GSE1: variants seen among roughly 807,000 people sequenced by gnomAD.
The protein encoded by GSE1 is Gse1 coiled-coil protein.
A neutral mutation model predicts 112.6 loss-of-function variants in GSE1; 32 were observed. The observed-to-expected ratio is 0.28, with a 90% CI of 0.21 to 0.38. The LOEUF is 0.38. Among genes scored for constraint, GSE1 ranks in the 10% least tolerant of loss-of-function variants. The pLI, the probability that GSE1 is intolerant of heterozygous loss-of-function variation, is 1.00. For synonymous variants in GSE1, 1,115 were observed against 735.6 expected (o/e 1.52, Z -8.35); for missense variants, 2,348 against 1,699.2 (o/e 1.38, Z -6.71).
chr16:85,337,768 G>C (rs1411958878), intron 1 of GSE1, among the ~76,000 whole-genome samples: 3 of 152,232 alleles, frequency 2.0e-5, no homozygotes, highest in Admixed American at 2.0e-4. Context: ...TGGTTGTCCA[G>C]GTCTCAGCAA....
chr16:85,291,925 A>G (rs1317824641), intron 1 of GSE1, among the ~76,000 whole-genome samples: 2 of 152,086 alleles, frequency 1.3e-5, no homozygotes, highest in Non-Finnish European at 2.9e-5. Context: ...GGGTCAGGCT[A>G]TGGGGACTTA....
chr16:85,414,345 A>T (rs1161460952), intron 2 of GSE1, among the ~76,000 whole-genome samples: 1 of 152,202 alleles, frequency 6.6e-6, no homozygotes, highest in Non-Finnish European at 1.5e-5. Flanking sequence ...TATGTCAACA[A>T]CCCACAATAT....
chr16:85,485,702 C>T (rs541802962), intron 2 of GSE1, among the ~76,000 whole-genome samples: 9 of 152,364 alleles, frequency 5.9e-5, no homozygotes, highest in Admixed American at 1.3e-4. Context: ...CCGAGGCGGC[C>T]GGCTGTGCAT....
chr16:85,304,607 G>GGGGC (rs1555557456), intron 1 of GSE1, among the ~76,000 whole-genome samples: 21 of 123,962 alleles, frequency 1.7e-4, no homozygotes, highest in African/African-American at 7.2e-4. Flanking sequence ...GGGGCGGGGG[G>GGGGC]GTGGGGCATC....
chr16:85,658,149 G>A (rs2052128080), intron 8 of GSE1, among the ~76,000 whole-genome samples: 1 of 152,234 alleles, frequency 6.6e-6, no homozygotes, highest in African/African-American at 2.4e-5. Flanking sequence ...TGCAGACACA[G>A]GTCTTATGAG....
intron 1 of GSE1, among the ~76,000 whole-genome samples, chr16:85,346,601 GTGGATGA>G (rs2046745306): frequency 9.3e-6 from 1 of 108,028 alleles, no homozygotes; most frequent in Admixed American, 9.7e-5. Flanking sequence ...GGGCAGATGG[GTGGATGA>G]TGGATGGATG....
chr16:85,242,570 A>C (rs1238970229), intron 1 of GSE1, among the ~76,000 whole-genome samples: 2 of 152,224 alleles, frequency 1.3e-5, no homozygotes, highest in Admixed American at 1.3e-4. Context: ...GGGTGCACTG[A>C]GGCCCATCCA....
chr16:85,590,473 T>C (rs1192194561), intron 1 of GSE1, among the ~76,000 whole-genome samples: 1 of 146,892 alleles, frequency 6.8e-6, no homozygotes, highest in Non-Finnish European at 1.5e-5. Flanking sequence ...GTGTGTGACA[T>C]CTTGTGCATG....
intron 2 of GSE1, among the ~76,000 whole-genome samples, chr16:85,487,816 A>T (rs2050890078): frequency 6.6e-6 from 1 of 152,148 alleles, no homozygotes; most frequent in African/African-American, 2.4e-5. Flanking sequence ...CATCTGTGTG[A>T]CCTTGCACGG....
At chr16:85,655,570 T>TG (rs942247680) in intron 5 of GSE1, among the ~76,000 whole-genome samples, 156 bp from the exon 6 acceptor site, 1 of 152,202 alleles carries the variant, frequency 6.6e-6, no homozygotes, top group African/African-American at 2.4e-5. Flanking sequence ...CAAGGGGCTT[T>TG]GGGGCTAGCA....
At chr16:85,501,161 C>T (rs11649092) in intron 2 of GSE1, among the ~76,000 whole-genome samples, 42,444 of 151,372 alleles carry the variant, frequency 0.28, 6,720 homozygotes, top group Non-Finnish European at 0.34. Context: ...CCACCACGCC[C>T]AGCTAATTTT....
At chr16:85,402,465 C>T (rs553008730) in intron 2 of GSE1, among the ~76,000 whole-genome samples, 1 of 152,310 alleles carries the variant, frequency 6.6e-6, no homozygotes, top group South Asian at 2.1e-4. Flanking sequence ...GGGCCGGGGC[C>T]ATGCTGAGTC....
intron 2 of GSE1, among the ~76,000 whole-genome samples, chr16:85,385,746 G>T (rs2047674206): frequency 6.6e-6 from 1 of 152,228 alleles, no homozygotes; most frequent in Admixed American, 6.5e-5. Context: ...GCCCTTCCGA[G>T]GCCTCGGCGG....
chr16:85,657,570 G>A lies in GSE1; in HGVS notation c.1606G>A (p.Ala536Thr). The A allele has an allele frequency of 6.4e-7, 1 of 1,569,896 alleles. No homozygotes were observed. The change falls in exon 8 of 16, where the codon GCG becomes ACG. Residue 536 changes from alanine (A) to threonine (T), a missense_variant. Coordinates refer to ENST00000253458, the MANE Select transcript of GSE1 (RefSeq NM_014615.5). The stretch of plus-strand genomic sequence containing the variant: ...GGATATGGGCCGGCCCCCGGTGCCG[G>A]CGGAGGCAGAGCACAGGCCGGAGAG... ...HLDMGRPPVPAEAEHRPESTT... is the reference protein window; with the variant it reads ...HLDMGRPPVPTEAEHRPESTT...
chr16:85,551,511 C>T (rs1030434238), upstream of GSE1, among the ~76,000 whole-genome samples: 2 of 152,254 alleles, frequency 1.3e-5, no homozygotes, highest in African/African-American at 2.4e-5. Context: ...CCCGTTCAGC[C>T]ACACTGTGGC....
At chr16:85,631,072 G>A (rs571972010) in intron 1 of GSE1, among the ~76,000 whole-genome samples, 13 of 152,158 alleles carry the variant, frequency 8.5e-5, no homozygotes, top group African/African-American at 1.2e-4. Flanking sequence ...CTCTCCTAGC[G>A]TCACCCTCCT....
At chr16:85,336,564 C>A (rs145574447) in intron 1 of GSE1, among the ~76,000 whole-genome samples, 264 of 151,650 alleles carry the variant, frequency 1.7e-3, no homozygotes, top group African/African-American at 6.1e-3. Flanking sequence ...CACGTGTGAG[C>A]ATGTTCATGT....
intron 1 of GSE1, among the ~76,000 whole-genome samples, chr16:85,301,596 A>C (rs1229081976): frequency 6.6e-6 from 1 of 152,228 alleles, no homozygotes; most frequent in East Asian, 1.9e-4. Context: ...CTCTCCCTGC[A>C]GGGTTGATTT....
At chr16:85,669,295 C>CTAG (rs1409549966) in intron 14 of GSE1, among the ~76,000 whole-genome samples, 1 of 152,264 alleles carries the variant, frequency 6.6e-6, no homozygotes, top group Non-Finnish European at 1.5e-5. Flanking sequence ...TTAACATGTC[C>CTAG]TAGAGGACTC....
Sources: allele counts gnomAD v4.1 joint callset (sites outside exome capture counted in the v4.1 genomes callset), GRCh38; gene constraint gnomAD v4.1.1; transcripts MANE v1.5; gene names NCBI Gene and HGNC (gene_info 2026-07-23, HGNC 2026-07-21).